KCNB2: variants seen among roughly 807,000 people sequenced by gnomAD.
KCNB2 encodes the protein delayed rectifier potassium channel protein.
KCNB2 carries 15 observed loss-of-function variants against 61.5 expected under a neutral mutation model. The ratio of observed to expected loss-of-function variants is 0.24; its 90% CI spans 0.16 to 0.38. KCNB2 has a LOEUF of 0.38. KCNB2 is among the 10% of genes least tolerant of loss of function. KCNB2 has a pLI of 1.00. For missense variants in KCNB2, 828 were observed against 1,125.2 expected (o/e 0.74, Z 3.78); for synonymous variants, 457 against 446.0 (o/e 1.02, Z -0.31).
intron 2 of KCNB2, among the ~76,000 whole-genome samples, chr8:72,805,512 T>C (rs1300310578): frequency 6.6e-6 from 1 of 152,214 alleles, no homozygotes; most frequent in Non-Finnish European, 1.5e-5. Flanking sequence ...TATAAGTCTG[T>C]CTGCATACAG....
intron 2 of KCNB2, among the ~76,000 whole-genome samples, chr8:72,928,221 C>G (rs1222167939): frequency 7.3e-6 from 1 of 136,718 alleles, no homozygotes; most frequent in Admixed American, 7.5e-5. Context: ...GAGACAGAGT[C>G]TTCTTCTGTC....
intron 2 of KCNB2, among the ~76,000 whole-genome samples, chr8:72,661,802 A>G (rs898711513): frequency 6.6e-6 from 1 of 152,120 alleles, no homozygotes; most frequent in African/African-American, 2.4e-5. Context: ...ACTTATTCTA[A>G]ATGTTTAGAT....
At chr8:72,749,457 T>C (rs1808145471) in intron 2 of KCNB2, 1 of 152,106 alleles carries the variant, frequency 6.6e-6, no homozygotes, top group East Asian at 1.9e-4. Flanking sequence ...AAAATGATTT[T>C]TAGCTGGTGA....
intron 2 of KCNB2, among the ~76,000 whole-genome samples, chr8:72,740,388 T>C (rs1807930052): frequency 6.6e-6 from 1 of 152,152 alleles, no homozygotes. Context: ...GATTCAGCTC[T>C]CAACGTAACT....
chr8:72,567,145 AC>A (rs1451921776), intron 1 of KCNB2, among the ~76,000 whole-genome samples: 3 of 151,708 alleles, frequency 2.0e-5, no homozygotes, highest in Admixed American at 1.3e-4. Flanking sequence ...ACATGGAGAA[AC>A]CCCATCTCTA....
At chr8:72,648,774 G>A (rs1247499017) in intron 2 of KCNB2, among the ~76,000 whole-genome samples, 1 of 151,972 alleles carries the variant, frequency 6.6e-6, no homozygotes, top group Non-Finnish European at 1.5e-5. Context: ...CAGAAAAAAA[G>A]AAAGAAATTA....
chr8:72,571,101 G>A (rs1038675), intron 2 of KCNB2, among the ~76,000 whole-genome samples: 19,885 of 152,150 alleles, frequency 0.13, 1,633 homozygotes, highest in East Asian at 0.46. Context: ...CAGATCCCTA[G>A]TATGGAAGGA....
At chr8:72,561,691 TTATA>T (rs1172254677) in intron 1 of KCNB2, among the ~76,000 whole-genome samples, 80 of 19,390 alleles carry the variant, frequency 4.1e-3, no homozygotes, top group South Asian at 0.011. Flanking sequence ...GATCTTACTT[TTATA>T]TATATATATA....
chr8:72,620,785 T>G (rs1805702834), intron 2 of KCNB2, among the ~76,000 whole-genome samples: 1 of 152,020 alleles, frequency 6.6e-6, no homozygotes, highest in Admixed American at 6.6e-5. Flanking sequence ...ATTTCGTGTT[T>G]TTAGTAGAGA....
chr8:72,615,564 G>A (rs942064737), intron 2 of KCNB2, among the ~76,000 whole-genome samples: 3 of 152,190 alleles, frequency 2.0e-5, no homozygotes, highest in Non-Finnish European at 4.4e-5. Flanking sequence ...GGTTAGAGCT[G>A]GTTGGTCCCT....
chr8:72,577,475 A>G (rs1358082642), intron 2 of KCNB2, among the ~76,000 whole-genome samples: 5 of 152,244 alleles, frequency 3.3e-5, no homozygotes, highest in African/African-American at 9.6e-5. Flanking sequence ...CATCCAAATA[A>G]GACAGTCAGC....
chr8:72,553,209 T>C (rs1295975866), intron 1 of KCNB2, among the ~76,000 whole-genome samples: 1 of 152,176 alleles, frequency 6.6e-6, no homozygotes, highest in Non-Finnish European at 1.5e-5. Context: ...TATCAATATA[T>C]GAAGAATTTA....
At chr8:72,564,217 A>C (rs1585754050) in intron 1 of KCNB2, among the ~76,000 whole-genome samples, 1 of 152,252 alleles carries the variant, frequency 6.6e-6, no homozygotes, top group Non-Finnish European at 1.5e-5. Context: ...TGACCTTACC[A>C]GTGACTATGA....
chr8:72,937,755 G>A lies in KCNB2; in HGVS notation c.2400G>A (p.Glu800=). 2 of 1,613,984 alleles carry A rather than the reference G, an allele frequency of 1.2e-6. No individual in the cohort carries two copies. The highest frequency in any genetic ancestry group is 1.6e-4 in the Middle Eastern group (1 of 6,062). ...KQKLFPFSSR[E]RRSFTEIDTG... Reference sequence around the variant, plus strand: ...AACTGTTCCCTTTCTCTTCAAGAGAGAGGAGGAGCTTCACTGAAATAGATA... The same window carrying A: ...AACTGTTCCCTTTCTCTTCAAGAGAAAGGAGGAGCTTCACTGAAATAGATA... Residue 800 remains glutamate (E), a synonymous_variant, in exon 3 of 3, where the codon GAG becomes GAA. Transcript: ENST00000523207.
intron 2 of KCNB2, among the ~76,000 whole-genome samples, chr8:72,674,569 A>G (rs1806618907): frequency 6.6e-6 from 1 of 152,272 alleles, no homozygotes; most frequent in African/African-American, 2.4e-5. Flanking sequence ...CCTTGTAAAT[A>G]TCATCGTGAT....
chr8:72,719,924 G>A (rs1243375220), intron 2 of KCNB2, among the ~76,000 whole-genome samples: 1 of 152,158 alleles, frequency 6.6e-6, no homozygotes, highest in African/African-American at 2.4e-5. Flanking sequence ...ATGGTAAGAT[G>A]GCCAGTCTTT....
At chr8:72,548,089 C>T (rs532774306) in intron 1 of KCNB2, among the ~76,000 whole-genome samples, 1 of 151,994 alleles carries the variant, frequency 6.6e-6, no homozygotes, top group South Asian at 2.1e-4. Flanking sequence ...AGCTTTTTTC[C>T]CCAATAGAGC....
At chr8:72,758,252 A>T (rs1355322746) in intron 2 of KCNB2, among the ~76,000 whole-genome samples, 4 of 152,184 alleles carry the variant, frequency 2.6e-5, no homozygotes, top group Non-Finnish European at 5.9e-5. Flanking sequence ...GGTCCAGCTG[A>T]AATTGGAGAC....
At chr8:72,629,717 A>G (rs1415808865) in intron 2 of KCNB2, among the ~76,000 whole-genome samples, 1 of 152,216 alleles carries the variant, frequency 6.6e-6, no homozygotes, top group Non-Finnish European at 1.5e-5. Context: ...GGTTCTGGGT[A>G]AGCAAGAACA....
Sources: gnomAD v4.1 joint callset for allele counts (sites outside exome capture counted in the v4.1 genomes callset) on GRCh38, gnomAD v4.1.1 for gene constraint, MANE v1.5 for transcripts, NCBI Gene and HGNC (gene_info 2026-07-23, HGNC 2026-07-21) for gene names.